Variants in AIG1 observed in about 807,000 individuals in gnomAD.
The protein encoded by AIG1 is androgen induced 1.
A neutral mutation model predicts 31.4 loss-of-function variants in AIG1; 23 were observed. The observed-to-expected ratio is 0.73, with a 90% CI of 0.53 to 1.04. The LOEUF is 1.04. Ranked by LOEUF, AIG1 falls within the 50% of genes least tolerant of loss-of-function variation. The pLI, the probability that AIG1 is intolerant of heterozygous loss-of-function variation, is 0.00. For missense variants in AIG1, 274 were observed against 295.0 expected (o/e 0.93, Z 0.52); for synonymous variants, 100 against 110.5 (o/e 0.90, Z 0.60).
chr6:143,071,908 C>T (rs1254547571), intron 1 of AIG1, among the ~76,000 whole-genome samples: 4 of 151,856 alleles, frequency 2.6e-5, no homozygotes, highest in African/African-American at 7.3e-5. Flanking sequence ...CTCAGCCTCC[C>T]GAGTAGCTGG....
intron 3 of AIG1, among the ~76,000 whole-genome samples, chr6:143,251,376 C>A (rs1795003495): frequency 6.6e-6 from 1 of 152,128 alleles, no homozygotes; most frequent in Non-Finnish European, 1.5e-5. Flanking sequence ...ATGACCCAAG[C>A]TGTAGTTATC....
At chr6:143,255,790 A>G (rs548355762) in intron 3 of AIG1, among the ~76,000 whole-genome samples, 6 of 152,332 alleles carry the variant, frequency 3.9e-5, no homozygotes, top group African/African-American at 1.4e-4. Context: ...ATATAAATTT[A>G]TATTAACTTA....
At chr6:143,126,918 C>T (rs1160355484) in intron 1 of AIG1, among the ~76,000 whole-genome samples, 1 of 151,928 alleles carries the variant, frequency 6.6e-6, no homozygotes, top group East Asian at 1.9e-4. Context: ...CTCCCCTACT[C>T]GGGACTATAG....
Position 143,137,010 on chromosome 6 carries a change from C to T in AIG1, c.297+20C>T. ...GGGGTTGTGAGTATGATGGAGGATG[C>T]ATTTAGCCACAAAAGAAACTTGGCT... On this transcript the variant is annotated intron_variant, in intron 2 of 5. Coordinates refer to ENST00000357847, the MANE Select transcript of AIG1 (RefSeq NM_016108.4). 3 of 1,347,336 alleles carry T rather than the reference C, an allele frequency of 2.2e-6. No individual in the cohort carries two copies. Among genetic ancestry groups the T allele is most frequent in the South Asian group, 4.8e-5 (2 of 41,266 alleles). The allele number at this position is 1,347,336 out of a possible 1,614,324, so 83.5% of individuals were successfully genotyped here.
intron 3 of AIG1, among the ~76,000 whole-genome samples, chr6:143,181,110 A>G (rs369487428): frequency 3.3e-5 from 5 of 152,202 alleles, no homozygotes; most frequent in African/African-American, 7.2e-5. Flanking sequence ...CTGATATTAG[A>G]TATTTCATAA....
At chr6:143,150,061 A>T (rs1785071364) in intron 2 of AIG1, among the ~76,000 whole-genome samples, 1 of 152,252 alleles carries the variant, frequency 6.6e-6, no homozygotes, top group Non-Finnish European at 1.5e-5. Flanking sequence ...GAAATATTTT[A>T]AAAGAATTCC....
At chr6:143,208,151 T>A (rs1438326194) in intron 3 of AIG1, among the ~76,000 whole-genome samples, 1 of 152,196 alleles carries the variant, frequency 6.6e-6, no homozygotes, top group African/African-American at 2.4e-5. Context: ...TGTTACTAAT[T>A]TTCTCTGACA....
At chr6:143,187,646 T>C in intron 3 of AIG1, 7 of 1,536,066 alleles carry the variant, frequency 4.6e-6, no homozygotes, top group Non-Finnish European at 6.1e-6. Flanking sequence ...AAGCTTAAAG[T>C]TTTCTTGGCA....
chr6:143,072,843 T>C (rs917602290), intron 1 of AIG1, among the ~76,000 whole-genome samples: 1 of 152,222 alleles, frequency 6.6e-6, no homozygotes, highest in African/African-American at 2.4e-5. Context: ...GCATATCCAT[T>C]ATTTCACAGA....
chr6:143,257,260 A>C (rs1256828878), intron 3 of AIG1, among the ~76,000 whole-genome samples: 1 of 152,272 alleles, frequency 6.6e-6, no homozygotes, highest in African/African-American at 2.4e-5. Flanking sequence ...TCACTAAAAT[A>C]AAATGAGGTT....
intron 2 of AIG1, among the ~76,000 whole-genome samples, chr6:143,140,089 G>A (rs1266884539): frequency 2.6e-5 from 4 of 152,204 alleles, no homozygotes; most frequent in Admixed American, 1.3e-4. Context: ...AGCCAAAGGA[G>A]GAGCAAAGTC....
intron 1 of AIG1, among the ~76,000 whole-genome samples, chr6:143,086,724 G>A (rs1373931906): frequency 6.6e-6 from 1 of 152,324 alleles, no homozygotes; most frequent in African/African-American, 2.4e-5. Flanking sequence ...GTACCTAGGA[G>A]GCAGGGATCA....
chr6:143,245,984 A>T (rs1794594515), intron 3 of AIG1, among the ~76,000 whole-genome samples: 1 of 152,170 alleles, frequency 6.6e-6, no homozygotes, highest in Non-Finnish European at 1.5e-5. Flanking sequence ...CACATAAAAT[A>T]CACTAACACT....
chr6:143,139,412 C>T (rs1290487342), intron 2 of AIG1, among the ~76,000 whole-genome samples: 1 of 151,970 alleles, frequency 6.6e-6, no homozygotes, highest in African/African-American at 2.4e-5. Context: ...GCCAGGGCCT[C>T]CCGTGTCACC....
chr6:143,287,007 G>C (rs571324902), intron 4 of AIG1, among the ~76,000 whole-genome samples: 1 of 151,574 alleles, frequency 6.6e-6, no homozygotes, highest in African/African-American at 2.4e-5. Flanking sequence ...AGGCCATCCC[G>C]GTCTCCTTCC....
chr6:143,242,552 G>A (rs1028426774), intron 3 of AIG1, among the ~76,000 whole-genome samples: 1 of 152,200 alleles, frequency 6.6e-6, no homozygotes, highest in Non-Finnish European at 1.5e-5. Context: ...GGCAGAGCCA[G>A]TATCGACATC....
chr6:143,264,155 G>A (rs1310515187), intron 3 of AIG1, among the ~76,000 whole-genome samples: 3 of 152,090 alleles, frequency 2.0e-5, no homozygotes, highest in African/African-American at 2.4e-5. Flanking sequence ...TATTTTATTC[G>A]TATGAGCGCG....
intron 3 of AIG1, among the ~76,000 whole-genome samples, chr6:143,196,093 C>G (rs1790198613): frequency 6.6e-6 from 1 of 152,180 alleles, no homozygotes; most frequent in South Asian, 2.1e-4. Flanking sequence ...AGGCTCAGAA[C>G]TTTTTCCCAG....
intron 3 of AIG1, among the ~76,000 whole-genome samples, chr6:143,257,758 G>C (rs1795469233): frequency 6.6e-6 from 1 of 152,128 alleles, no homozygotes; most frequent in African/African-American, 2.4e-5. Flanking sequence ...ATCATTGTTG[G>C]GTCTTGGGTC....
Sources: gnomAD v4.1 joint callset for allele counts (sites outside exome capture counted in the v4.1 genomes callset) on GRCh38, gnomAD v4.1.1 for gene constraint, MANE v1.5 for transcripts, NCBI Gene and HGNC (gene_info 2026-07-23, HGNC 2026-07-21) for gene names.